Variants in NAV2 observed in about 807,000 individuals in gnomAD.
NAV2 encodes the protein helicase, APC down-regulated 1.
In NAV2, 54 loss-of-function variants were observed where a neutral mutation model predicts 223.2. That is an observed-to-expected ratio of 0.24 (90% CI 0.19 to 0.30). NAV2 has a LOEUF of 0.30. NAV2 is among the 10% of genes least tolerant of loss of function. NAV2 has a pLI of 1.00. For missense variants in NAV2, 2,806 were observed against 3,147.5 expected (o/e 0.89, Z 2.60); for synonymous variants, 1,279 against 1,239.3 (o/e 1.03, Z -0.67).
At chr11:19,579,073 C>A (rs1474494377) in intron 1 of NAV2, among the ~76,000 whole-genome samples, 1 of 152,104 alleles carries the variant, frequency 6.6e-6, no homozygotes, top group Non-Finnish European at 1.5e-5. Flanking sequence ...AAATCTCTCC[C>A]AAGAATAAAA....
chr11:19,955,799 G>A (rs995107085), intron 10 of NAV2, among the ~76,000 whole-genome samples: 1 of 152,204 alleles, frequency 6.6e-6, no homozygotes, highest in Admixed American at 6.5e-5. Flanking sequence ...GTCCAGACCA[G>A]ACCTGGAGTG....
chr11:19,808,137 C>A (rs531843668), intron 1 of NAV2, among the ~76,000 whole-genome samples: 1 of 152,304 alleles, frequency 6.6e-6, no homozygotes, highest in African/African-American at 2.4e-5. Context: ...GTGGCAAACA[C>A]ATATAAAGGA....
intron 1 of NAV2, among the ~76,000 whole-genome samples, chr11:19,698,156 A>G (rs1334709532): frequency 6.6e-6 from 1 of 152,168 alleles, no homozygotes; most frequent in African/African-American, 2.4e-5. Context: ...TACACACATG[A>G]GCCAGGGTTT....
chr11:20,105,403 G>A (rs2061956919), intron 34 of NAV2, 128 bp from the exon 35 acceptor site: 1 of 711,722 alleles, frequency 1.4e-6, no homozygotes, highest in Admixed American at 2.5e-5. Context: ...AGAGTGTTCG[G>A]TGCATAGCTA....
intron 11 of NAV2, among the ~76,000 whole-genome samples, chr11:20,032,021 T>C (rs4757881): frequency 0.18 from 27,168 of 152,184 alleles, 2,503 homozygotes; most frequent in Middle Eastern, 0.28. Flanking sequence ...CTCCTGATCA[T>C]TTGTACCCTG....
chr11:20,091,155 T>A (rs2060821005), intron 27 of NAV2, 137 bp downstream of exon 27: 1 of 782,616 alleles, frequency 1.3e-6, no homozygotes, highest in Non-Finnish European at 2.0e-6. Context: ...CTCTTTTCAG[T>A]CCCTCCCACA....
intron 1 of NAV2, among the ~76,000 whole-genome samples, chr11:19,590,849 G>A (rs930548610): frequency 6.6e-6 from 1 of 152,170 alleles, no homozygotes; most frequent in Non-Finnish European, 1.5e-5. Flanking sequence ...TCCAAATCTT[G>A]AGTCAAGATT....
At chr11:19,732,389 C>T (rs1359757262) in intron 1 of NAV2, among the ~76,000 whole-genome samples, 1 of 152,178 alleles carries the variant, frequency 6.6e-6, no homozygotes, top group Non-Finnish European at 1.5e-5. Flanking sequence ...AAAATGGAGC[C>T]TCACAGGCAT....
chr11:19,413,434 C>G (rs1382637800), intron 1 of NAV2, among the ~76,000 whole-genome samples: 1 of 151,914 alleles, frequency 6.6e-6, no homozygotes, highest in African/African-American at 2.4e-5. Flanking sequence ...GTGAAAAGAC[C>G]AAACCTACGT....
intron 11 of NAV2, among the ~76,000 whole-genome samples, chr11:19,997,852 G>A (rs2052070667): frequency 6.6e-6 from 1 of 152,058 alleles, no homozygotes; most frequent in African/African-American, 2.4e-5. Context: ...AGGGAATCCC[G>A]ACTCATGGTC....
intron 1 of NAV2, among the ~76,000 whole-genome samples, chr11:19,584,035 A>T (rs1393341197): frequency 1.3e-5 from 2 of 152,162 alleles, no homozygotes; most frequent in Non-Finnish European, 2.9e-5. Flanking sequence ...GTAAGCTAGT[A>T]ATTATTGCCT....
chr11:20,052,153 A>G (rs913164909), intron 17 of NAV2, among the ~76,000 whole-genome samples: 2 of 152,256 alleles, frequency 1.3e-5, no homozygotes, highest in Non-Finnish European at 2.9e-5. Flanking sequence ...TTCACCCTGC[A>G]CTAAGCATTA....
At chr11:19,957,130 C>G (rs958148169) in intron 10 of NAV2, among the ~76,000 whole-genome samples, 3 of 152,156 alleles carry the variant, frequency 2.0e-5, no homozygotes, top group African/African-American at 7.2e-5. Context: ...TTAAAACAGA[C>G]AGACTTAAAA....
chr11:19,968,279 C>CCT (rs1377020458), intron 10 of NAV2, among the ~76,000 whole-genome samples: 1 of 152,206 alleles, frequency 6.6e-6, no homozygotes, highest in South Asian at 2.1e-4. Flanking sequence ...CTCACTGCAA[C>CCT]CTCCGCTCCT....
chr11:19,369,675 C>T (rs779657635), intron 1 of NAV2, among the ~76,000 whole-genome samples: 6 of 152,100 alleles, frequency 3.9e-5, no homozygotes, highest in Non-Finnish European at 8.8e-5. Flanking sequence ...TCTACAGAAT[C>T]AATGCTCAGT....
At chr11:19,643,157 C>A (rs1405008876) in intron 1 of NAV2, among the ~76,000 whole-genome samples, 2 of 151,936 alleles carry the variant, frequency 1.3e-5, no homozygotes, top group East Asian at 1.9e-4. Flanking sequence ...TGTATTTGCT[C>A]TTCTTTTTTA....
chr11:19,393,289 C>T (rs1849317493), intron 1 of NAV2, among the ~76,000 whole-genome samples: 1 of 152,214 alleles, frequency 6.6e-6, no homozygotes, highest in Admixed American at 6.5e-5. Context: ...ACCAGAAGGC[C>T]TCTGATAAAG....
At chr11:20,037,050 C>T (rs925484990) in intron 12 of NAV2, among the ~76,000 whole-genome samples, 105 of 152,292 alleles carry the variant, frequency 6.9e-4, no homozygotes, top group Non-Finnish European at 8.8e-5. Context: ...CAGCTTGTCC[C>T]CAGTTTGGGA....
chr11:19,675,696 A>G (rs139927330), intron 1 of NAV2, among the ~76,000 whole-genome samples: 2 of 152,222 alleles, frequency 1.3e-5, no homozygotes, highest in East Asian at 3.9e-4. Context: ...TGAGCTGTGG[A>G]GTGTACCAAC....
Sources: gnomAD v4.1 joint callset for allele counts (sites outside exome capture counted in the v4.1 genomes callset) on GRCh38, gnomAD v4.1.1 for gene constraint, MANE v1.5 for transcripts, NCBI Gene and HGNC (gene_info 2026-07-23, HGNC 2026-07-21) for gene names.